GAL3ST1: variants seen among roughly 807,000 people sequenced by gnomAD.
GAL3ST1 encodes the protein galactosylceramide sulfotransferase.
GAL3ST1 carries 13 observed loss-of-function variants against 25.0 expected under a neutral mutation model. The ratio of observed to expected loss-of-function variants is 0.52; its 90% CI spans 0.34 to 0.83. The LOEUF is 0.83. Ranked by LOEUF, GAL3ST1 falls within the 40% of genes least tolerant of loss-of-function variation. The probability of loss-of-function intolerance (pLI) is 0.02; values close to 1 mark genes in which losing one functional copy is unlikely to be tolerated. For missense variants in GAL3ST1, 474 were observed against 613.6 expected (o/e 0.77, Z 2.40); for synonymous variants, 274 against 277.8 (o/e 0.99, Z 0.14).
At chr22:30,559,342 G>C (rs889202475) in intron 1 of GAL3ST1, among the ~76,000 whole-genome samples, 1 of 152,044 alleles carries the variant, frequency 6.6e-6, no homozygotes, top group Admixed American at 6.6e-5. Flanking sequence ...CCCGGTTCAA[G>C]CGATTCTCCT....
rs2086099218 is a variant in GAL3ST1 at position 30,557,264 on chromosome 22, G to C, written c.129C>G (p.Ser43=). Residue 43 remains serine (S), a splice_region_variant and synonymous_variant, in exon 3 of 4, where the codon TCC becomes TCG. Transcript: ENST00000406361. The stretch of plus-strand genomic sequence containing the variant: ...ATCTGCCCAGCTGGGCCACTCACGT[G>C]GAGGCCAGGCCGGCATGCAGCGGGG... ...AVPPLHAGLA[S]TTPEAAASCS... The C allele has an allele frequency of 6.2e-7, 1 of 1,613,966 alleles. No individual in the cohort carries two copies. The highest frequency in any genetic ancestry group is 1.3e-5 in the African/African-American group (1 of 74,932).
At chr22:30,572,044 A>G (rs2086799539) in intron 1 of GAL3ST1, among the ~76,000 whole-genome samples, 1 of 152,138 alleles carries the variant, frequency 6.6e-6, no homozygotes, top group African/African-American at 2.4e-5. Flanking sequence ...TGTCTGGGTA[A>G]ATCACCCCGC....
At chr22:30,570,670 C>T (rs1601984704) in intron 1 of GAL3ST1, among the ~76,000 whole-genome samples, 1 of 152,232 alleles carries the variant, frequency 6.6e-6, no homozygotes, top group East Asian at 1.9e-4. Flanking sequence ...GTGGCGCATG[C>T]CTTTAATCCT....
chr22:30,556,157 G>C (rs2086014574), intron 3 of GAL3ST1, 64 bp from the exon 4 acceptor site: 1 of 1,278,906 alleles, frequency 7.8e-7, no homozygotes, highest in Non-Finnish European at 1.1e-6. Flanking sequence ...GACTCTGGTA[G>C]TTAGAGAGGG....
At chr22:30,558,810 A>AT (rs1249223612) in intron 1 of GAL3ST1, among the ~76,000 whole-genome samples, 1 of 152,196 alleles carries the variant, frequency 6.6e-6, no homozygotes, top group Non-Finnish European at 1.5e-5. Flanking sequence ...AATGAATACA[A>AT]TTTTTTACAG....
intron 1 of GAL3ST1, among the ~76,000 whole-genome samples, chr22:30,565,448 C>T (rs2086592577): frequency 6.6e-6 from 1 of 152,208 alleles, no homozygotes; most frequent in Non-Finnish European, 1.5e-5. Context: ...GATGCTGAGA[C>T]ACAACCAGGG....
intron 1 of GAL3ST1, among the ~76,000 whole-genome samples, chr22:30,572,426 C>T (rs942964645): frequency 2.0e-5 from 3 of 152,180 alleles, no homozygotes; most frequent in African/African-American, 7.2e-5. Context: ...AGTGACTTCC[C>T]CTCTCTGAGC....
intron 1 of GAL3ST1, among the ~76,000 whole-genome samples, chr22:30,561,052 C>T (rs903272723): frequency 6.6e-6 from 1 of 152,118 alleles, no homozygotes; most frequent in African/African-American, 2.4e-5. Context: ...TCAAGTGATT[C>T]TCCTGCCTCA....
chr22:30,571,589 C>T (rs1341077937), intron 1 of GAL3ST1, among the ~76,000 whole-genome samples: 1 of 152,022 alleles, frequency 6.6e-6, no homozygotes, highest in African/African-American at 2.4e-5. Context: ...CACGGCCGGG[C>T]GCAGTGGCTC....
chr22:30,561,394 T>C (rs1313804379), intron 1 of GAL3ST1, among the ~76,000 whole-genome samples: 2 of 152,152 alleles, frequency 1.3e-5, no homozygotes, highest in African/African-American at 4.8e-5. Context: ...CCAGAGCATC[T>C]AACTGACCCT....
rs2086856967 is a variant in GAL3ST1 at position 30,574,636 on chromosome 22, C to T, written c.-290G>A. The T allele has an allele frequency of 6.8e-6, 1 of 146,786 alleles. No homozygotes were observed. Among genetic ancestry groups the T allele is most frequent in the South Asian group, 1.8e-4 (1 of 5,590 alleles). The allele number at this position is 146,786 out of a possible 1,614,324, so 9.1% of individuals were successfully genotyped here. ...CGCCGCGCCCGCTCCCGCGCCGCGC[C>T]CGCTCCCGGCCAGGTGCCGCCGCCA... On this transcript the variant is annotated 5_prime_UTR_variant, in exon 1 of 4. Transcript: ENST00000406361.
In GAL3ST1 at chr22:30,564,629, C is replaced by T. The variant is rs1601966949; in HGVS notation, c.-119-6241G>A. On this transcript the variant is annotated intron_variant, in intron 1 of 3. Coordinates refer to ENST00000406361, the MANE Select transcript of GAL3ST1 (RefSeq NM_001318104.2). ...GCAGCTGGCAGCAGGCCAGGCCCAGCCATCCTCCTGTTTAGCTGAACTGAT... is the reference window on the plus strand; with the variant it reads ...GCAGCTGGCAGCAGGCCAGGCCCAGTCATCCTCCTGTTTAGCTGAACTGAT... Among the ~76,000 whole-genome samples, 5 of 152,352 alleles carry T rather than the reference C, an allele frequency of 3.3e-5. No individual in the cohort carries two copies. The South Asian group carries it at 1.0e-3, about 32-fold the overall frequency.
chr22:30,561,050 T>A (rs2086381117), intron 1 of GAL3ST1, among the ~76,000 whole-genome samples: 1 of 152,236 alleles, frequency 6.6e-6, no homozygotes, highest in Admixed American at 6.5e-5. Flanking sequence ...GTTCAAGTGA[T>A]TCTCCTGCCT....
chr22:30,558,052 T>C (rs1391023266), intron 2 of GAL3ST1, among the ~76,000 whole-genome samples: 1 of 151,738 alleles, frequency 6.6e-6, no homozygotes, highest in Admixed American at 6.5e-5. Flanking sequence ...CCTCCCAAAT[T>C]GCTGGGATGA....
intron 1 of GAL3ST1, among the ~76,000 whole-genome samples, chr22:30,570,038 G>A (rs951615433): frequency 1.3e-5 from 2 of 151,972 alleles, no homozygotes; most frequent in East Asian, 3.9e-4. Flanking sequence ...AGGTATGAAC[G>A]TACCACTGCA....
chr22:30,570,615 G>A (rs1013801793), intron 1 of GAL3ST1, among the ~76,000 whole-genome samples: 4 of 152,160 alleles, frequency 2.6e-5, no homozygotes, highest in Admixed American at 2.0e-4. Context: ...TGACAACATG[G>A]AGAAACCCCA....
intron 1 of GAL3ST1, among the ~76,000 whole-genome samples, chr22:30,561,000 A>C (rs2086378247): frequency 6.6e-6 from 1 of 152,124 alleles, no homozygotes; most frequent in African/African-American, 2.4e-5. Flanking sequence ...GCTGGAGTGC[A>C]GTGGTGTGAT....
intron 1 of GAL3ST1, among the ~76,000 whole-genome samples, chr22:30,572,480 G>A (rs1246822702): frequency 6.6e-6 from 1 of 152,106 alleles, no homozygotes; most frequent in Admixed American, 6.5e-5. Context: ...GCTTTCACAG[G>A]CCTGCTGTGA....
At position 30,574,623 on chromosome 22, in the gene GAL3ST1, T is replaced by TG. The variant is rs2086855865; in HGVS notation, c.-278_-277insC. ...GCCGCCGCTGCCGCGCCGCGCCCGC[T>TG]CCCGCGCCGCGCCCGCTCCCGGCCA... On this transcript the variant is annotated 5_prime_UTR_variant, in exon 1 of 4. Transcript: ENST00000406361. 7.3e-6 allele frequency: 1 copy of TG among 136,574 alleles called. No individual in the cohort carries two copies. Among genetic ancestry groups the TG allele is most frequent in the Non-Finnish European group, 1.6e-5 (1 of 62,644 alleles). The allele number at this position is 136,574 out of a possible 1,614,324, so 8.5% of individuals were successfully genotyped here.
Sources: allele counts gnomAD v4.1 joint callset (sites outside exome capture counted in the v4.1 genomes callset), GRCh38; gene constraint gnomAD v4.1.1; transcripts MANE v1.5; gene names NCBI Gene and HGNC (gene_info 2026-07-23, HGNC 2026-07-21).